ESRRG: variants seen among roughly 807,000 people sequenced by gnomAD.
ESRRG encodes estrogen related receptor gamma, also known as estrogen-related receptor gamma.
ESRRG carries 13 observed loss-of-function variants against 44.0 expected under a neutral mutation model. The observed-to-expected ratio is 0.30, with a 90% confidence interval of 0.19 to 0.47. The LOEUF (loss-of-function observed/expected upper bound fraction) is 0.47, where lower values mean the gene tolerates loss of function less well. Among genes scored for constraint, ESRRG ranks in the 20% least tolerant of loss-of-function variants. ESRRG has a pLI of 1.00. For synonymous variants in ESRRG, 215 were observed against 214.6 expected (o/e 1.00, Z -0.02); for missense variants, 395 against 580.6 (o/e 0.68, Z 3.29).
intron 1 of ESRRG, among the ~76,000 whole-genome samples, chr1:217,102,552 C>A (rs1457336614): frequency 6.6e-6 from 1 of 152,186 alleles, no homozygotes; most frequent in African/African-American, 2.4e-5. Flanking sequence ...CCTCCCACGT[C>A]TTCTCTGAAC....
chr1:216,629,621 C>T (rs1208491564), intron 3 of ESRRG, among the ~76,000 whole-genome samples: 2 of 151,882 alleles, frequency 1.3e-5, no homozygotes, highest in Non-Finnish European at 2.9e-5. Context: ...CACCAAATGG[C>T]AGAGGAGAAT....
intron 1 of ESRRG, among the ~76,000 whole-genome samples, chr1:216,704,212 C>A (rs527992750): frequency 6.6e-6 from 1 of 152,002 alleles, no homozygotes; most frequent in East Asian, 1.9e-4. Context: ...GTTAACTAAC[C>A]CTAAACATCT....
intron 3 of ESRRG, among the ~76,000 whole-genome samples, chr1:216,574,296 T>G (rs1370303008): frequency 2.0e-5 from 3 of 152,092 alleles, no homozygotes; most frequent in African/African-American, 7.2e-5. Context: ...ATTACAAATC[T>G]TATACATTGT....
At chr1:216,955,231 T>A (rs1434015810) in intron 1 of ESRRG, among the ~76,000 whole-genome samples, 1 of 152,264 alleles carries the variant, frequency 6.6e-6, no homozygotes, top group South Asian at 2.1e-4. Flanking sequence ...ATAACCATAA[T>A]TATACTCTCT....
intron 1 of ESRRG, among the ~76,000 whole-genome samples, chr1:216,710,196 C>T (rs1245068400): frequency 6.6e-6 from 1 of 152,110 alleles, no homozygotes; most frequent in Non-Finnish European, 1.5e-5. Context: ...GTACACACTT[C>T]GGTTCAGTGT....
At chr1:216,951,252 C>T (rs570561552) in intron 1 of ESRRG, among the ~76,000 whole-genome samples, 17 of 152,222 alleles carry the variant, frequency 1.1e-4, no homozygotes, top group African/African-American at 1.9e-4. Context: ...GCTTAGGTAG[C>T]GCTCCTAGTA....
chr1:216,720,228 G>A (rs2085919564), intron 1 of ESRRG, among the ~76,000 whole-genome samples: 1 of 152,042 alleles, frequency 6.6e-6, no homozygotes, highest in South Asian at 2.1e-4. Context: ...CTTTAGTAAT[G>A]TAATGGGCAA....
At chr1:216,776,535 T>C (rs962569923) in intron 2 of ESRRG, among the ~76,000 whole-genome samples, 23 of 152,106 alleles carry the variant, frequency 1.5e-4, no homozygotes, top group African/African-American at 5.6e-4. Context: ...TTATTCGCCA[T>C]TGTGTCCATA....
chr1:216,987,220 C>T (rs1466396608), intron 1 of ESRRG, among the ~76,000 whole-genome samples: 1 of 152,134 alleles, frequency 6.6e-6, no homozygotes, highest in African/African-American at 2.4e-5. Context: ...CACTTTTGCA[C>T]CTAATTTTGC....
chr1:217,006,919 C>T (rs1345389544), intron 1 of ESRRG, among the ~76,000 whole-genome samples: 5 of 152,216 alleles, frequency 3.3e-5, no homozygotes, highest in Non-Finnish European at 5.9e-5. Context: ...AATTTTTTAG[C>T]TGCTGTGCTG....
At chr1:216,804,653 T>A (rs1046963467) in intron 2 of ESRRG, among the ~76,000 whole-genome samples, 5 of 151,938 alleles carry the variant, frequency 3.3e-5, no homozygotes, top group East Asian at 1.9e-4. Flanking sequence ...TTTTTTTTTT[T>A]AAATGACCAA....
At chr1:216,662,326 A>G (rs2072689837) in intron 2 of ESRRG, among the ~76,000 whole-genome samples, 1 of 152,146 alleles carries the variant, frequency 6.6e-6, no homozygotes, top group African/African-American at 2.4e-5. Context: ...GAGAAGCAAA[A>G]GCAAACAAAC....
At chr1:217,035,358 C>A (rs951332088) in intron 1 of ESRRG, among the ~76,000 whole-genome samples, 9 of 147,000 alleles carry the variant, frequency 6.1e-5, no homozygotes, top group South Asian at 2.2e-4. Flanking sequence ...AGCCAAGTAC[C>A]AATGTGGTGT....
chr1:216,857,461 A>G (rs1292497397), intron 2 of ESRRG, among the ~76,000 whole-genome samples: 2 of 152,102 alleles, frequency 1.3e-5, no homozygotes, highest in Non-Finnish European at 2.9e-5. Context: ...TTTCACTTCA[A>G]CACTCCTATT....
chr1:216,849,711 G>A (rs958482208), intron 2 of ESRRG, among the ~76,000 whole-genome samples: 10 of 152,014 alleles, frequency 6.6e-5, no homozygotes, highest in Non-Finnish European at 1.2e-4. Flanking sequence ...AAAGACCCAC[G>A]CTCCTCAAAT....
At chr1:216,736,435 G>A (rs188288200) in intron 2 of ESRRG, among the ~76,000 whole-genome samples, 151 of 151,860 alleles carry the variant, frequency 9.9e-4, no homozygotes, top group Admixed American at 5.6e-3. Flanking sequence ...CACCCGCCTC[G>A]GCCTCCCAAA....
intron 2 of ESRRG, among the ~76,000 whole-genome samples, chr1:216,797,335 A>T (rs1021214824): frequency 1.3e-5 from 2 of 152,314 alleles, no homozygotes; most frequent in African/African-American, 4.8e-5. Flanking sequence ...GATCCCACCG[A>T]GGATGAGGAT....
chr1:216,840,809 C>T (rs2095640787), intron 2 of ESRRG, among the ~76,000 whole-genome samples: 1 of 152,134 alleles, frequency 6.6e-6, no homozygotes. Flanking sequence ...ATAACATTTA[C>T]TGATTAAGTT....
intron 2 of ESRRG, among the ~76,000 whole-genome samples, chr1:216,851,920 G>A (rs60636699): frequency 0.034 from 5,091 of 151,134 alleles, 295 homozygotes; most frequent in African/African-American, 0.11. Context: ...AAAATAATAA[G>A]ATACAAAAAA....
Sources: allele counts gnomAD v4.1 joint callset (sites outside exome capture counted in the v4.1 genomes callset), GRCh38; gene constraint gnomAD v4.1.1; transcripts MANE v1.5; gene names NCBI Gene and HGNC (gene_info 2026-07-23, HGNC 2026-07-21).